UNC13C: variants seen among roughly 807,000 people sequenced by gnomAD.
The protein encoded by UNC13C is protein unc-13 homolog C.
Under a neutral mutation model 245.4 loss-of-function variants are expected in UNC13C, and 174 were observed. The observed-to-expected ratio is 0.71, with a 90% CI of 0.63 to 0.80. UNC13C has a LOEUF of 0.80. Ranked by LOEUF, UNC13C falls within the 30% of genes least tolerant of loss-of-function variation. The pLI, the probability that UNC13C is intolerant of heterozygous loss-of-function variation, is 0.00. For missense variants in UNC13C, 2,829 were observed against 2,602.9 expected, an observed-to-expected ratio of 1.09 and a Z score of -1.89; for synonymous variants, 992 against 895.1, an observed-to-expected ratio of 1.11 and a Z score of -1.93.
chr15:54,138,918 T>C (rs920494272), intron 2 of UNC13C, among the ~76,000 whole-genome samples: 2 of 149,028 alleles, frequency 1.3e-5, no homozygotes, highest in Non-Finnish European at 3.0e-5. Context: ...TTACTTGATA[T>C]TATTGTGTGT....
intron 4 of UNC13C, among the ~76,000 whole-genome samples, chr15:54,232,973 A>G (rs964681666): frequency 2.0e-5 from 3 of 152,166 alleles, no homozygotes; most frequent in Admixed American, 6.5e-5. Flanking sequence ...ATATGGAAAG[A>G]TGACAGGAGG....
chr15:54,094,090 G>A (rs1439648185), intron 2 of UNC13C, among the ~76,000 whole-genome samples: 1 of 152,106 alleles, frequency 6.6e-6, no homozygotes, highest in African/African-American at 2.4e-5. Context: ...CTGAGTGGAG[G>A]CAGCAATGCA....
chr15:54,281,149 T>C (rs768418780), intron 10 of UNC13C, among the ~76,000 whole-genome samples: 2 of 152,174 alleles, frequency 1.3e-5, no homozygotes, highest in Non-Finnish European at 2.9e-5. Context: ...TTATACAGAC[T>C]GACTATATAA....
the UNC13C span, among the ~76,000 whole-genome samples, chr15:53,917,888 T>C: frequency 6.6e-6 from 1 of 152,198 alleles, no homozygotes; most frequent in Non-Finnish European, 1.5e-5. Flanking sequence ...AAATTTTTAG[T>C]AACTTAAAGC....
chr15:54,175,344 A>G (rs555418883), intron 4 of UNC13C, among the ~76,000 whole-genome samples: 88 of 152,272 alleles, frequency 5.8e-4, no homozygotes, highest in African/African-American at 2.1e-3. Flanking sequence ...CAAGAGGAGC[A>G]GAAGCCATGG....
the UNC13C span, among the ~76,000 whole-genome samples, chr15:53,925,216 T>C: frequency 6.6e-6 from 1 of 152,234 alleles, no homozygotes; most frequent in Non-Finnish European, 1.5e-5. Context: ...TTACATGAGA[T>C]TCTTATTTCA....
chr15:54,089,321 C>A (rs1470509943), intron 2 of UNC13C, among the ~76,000 whole-genome samples: 1 of 152,316 alleles, frequency 6.6e-6, no homozygotes, highest in East Asian at 1.9e-4. Context: ...AAGAATGTGT[C>A]TACAATTACC....
intron 20 of UNC13C, among the ~76,000 whole-genome samples, chr15:54,496,384 G>A (rs1212975350): frequency 6.6e-6 from 1 of 151,856 alleles, no homozygotes; most frequent in Non-Finnish European, 1.5e-5. Context: ...AAAGAGGAAA[G>A]GTGAAGATTC....
At chr15:54,541,577 A>G (rs971021555) in intron 26 of UNC13C, among the ~76,000 whole-genome samples, 2 of 152,136 alleles carry the variant, frequency 1.3e-5, no homozygotes, top group African/African-American at 2.4e-5. Context: ...GTAGTATGGG[A>G]CATTGGAAGA....
intron 4 of UNC13C, among the ~76,000 whole-genome samples, chr15:54,160,799 G>T (rs1425002348): frequency 1.3e-5 from 2 of 151,910 alleles, no homozygotes; most frequent in Admixed American, 6.6e-5. Flanking sequence ...TTTACATGTT[G>T]GTCATTAGTA....
intron 13 of UNC13C, among the ~76,000 whole-genome samples, chr15:54,302,899 A>G (rs1214464216): frequency 6.6e-6 from 1 of 152,154 alleles, no homozygotes; most frequent in East Asian, 1.9e-4. Context: ...TACTGTTCAT[A>G]GCCCTTAATC....
At chr15:53,937,717 G>A in the UNC13C span, among the ~76,000 whole-genome samples, 1 of 151,944 alleles carries the variant, frequency 6.6e-6, no homozygotes, top group Non-Finnish European at 1.5e-5. Flanking sequence ...AGAAGAGAGT[G>A]GGGGCCAATA....
At chr15:54,031,998 T>C (rs557476455) in intron 2 of UNC13C, among the ~76,000 whole-genome samples, 52 of 152,310 alleles carry the variant, frequency 3.4e-4, no homozygotes, top group Admixed American at 1.1e-3. Context: ...CTTACCCCAA[T>C]GTAAATAGCT....
At chr15:54,129,008 G>A (rs1415632683) in intron 2 of UNC13C, among the ~76,000 whole-genome samples, 1 of 152,170 alleles carries the variant, frequency 6.6e-6, no homozygotes, top group Non-Finnish European at 1.5e-5. Context: ...GCACATCACT[G>A]CTGCTTCTTT....
chr15:54,453,084 A>C (rs937090574), intron 19 of UNC13C, among the ~76,000 whole-genome samples: 1 of 152,104 alleles, frequency 6.6e-6, no homozygotes, highest in African/African-American at 2.4e-5. Flanking sequence ...AGTATGAGGG[A>C]CCAAACCTGA....
chr15:54,212,642 C>T (rs778274853), intron 4 of UNC13C, among the ~76,000 whole-genome samples: 54 of 152,084 alleles, frequency 3.6e-4, no homozygotes, highest in Non-Finnish European at 6.5e-4. Context: ...CTCCCTTCTT[C>T]TCCCTCAACC....
At chr15:54,563,350 T>A (rs1439520926) in intron 29 of UNC13C, among the ~76,000 whole-genome samples, 2 of 152,008 alleles carry the variant, frequency 1.3e-5, no homozygotes, top group African/African-American at 4.8e-5. Context: ...TTTATCCTTC[T>A]TTGCACTAAA....
the UNC13C span, among the ~76,000 whole-genome samples, chr15:53,891,243 T>A: frequency 6.6e-6 from 1 of 152,222 alleles, no homozygotes; most frequent in South Asian, 2.1e-4. Context: ...TGTTATGATT[T>A]CCATTGTTTT....
At chr15:54,497,014 A>T (rs574828549) in intron 20 of UNC13C, among the ~76,000 whole-genome samples, 1 of 152,100 alleles carries the variant, frequency 6.6e-6, no homozygotes, top group Non-Finnish European at 1.5e-5. Context: ...AAGAGGAAAG[A>T]GTTAAATATG....
Sources: allele counts gnomAD v4.1 joint callset (sites outside exome capture counted in the v4.1 genomes callset), GRCh38; gene constraint gnomAD v4.1.1; transcripts MANE v1.5; gene names NCBI Gene and HGNC (gene_info 2026-07-23, HGNC 2026-07-21).